The following STRN3 variants were observed in gnomAD, a reference collection of about 807,000 sequenced individuals.
The protein encoded by STRN3 is striatin-3.
A neutral mutation model predicts 95.6 loss-of-function variants in STRN3; 29 were observed. The ratio of observed to expected loss-of-function variants is 0.30; its 90% CI spans 0.23 to 0.41. The LOEUF (loss-of-function observed/expected upper bound fraction) is 0.41, where lower values mean the gene tolerates loss of function less well. Among genes scored for constraint, STRN3 ranks in the 10% least tolerant of loss-of-function variants. The pLI is 1.00. For missense variants in STRN3, 890 were observed against 972.1 expected (o/e 0.92, Z 1.12); for synonymous variants, 331 against 357.6 (o/e 0.93, Z 0.84).
At chr14:31,013,863 T>TA (rs1883090079) in intron 1 of STRN3, among the ~76,000 whole-genome samples, 1 of 81,044 alleles carries the variant, frequency 1.2e-5, no homozygotes. Flanking sequence ...TCAAAGCAAT[T>TA]TTATTATTAT....
intron 1 of STRN3, among the ~76,000 whole-genome samples, chr14:30,959,411 G>A (rs562361544): frequency 6.6e-6 from 1 of 152,202 alleles, no homozygotes; most frequent in South Asian, 2.1e-4. Context: ...GTAAATGAGA[G>A]AGAAGTCATA....
chr14:31,001,828 C>G (rs950199314), intron 1 of STRN3, among the ~76,000 whole-genome samples: 1 of 151,790 alleles, frequency 6.6e-6, no homozygotes, highest in Non-Finnish European at 1.5e-5. Context: ...GAGTTCCAGA[C>G]CAGCCTGGCC....
intron 1 of STRN3, among the ~76,000 whole-genome samples, chr14:30,994,636 A>C (rs1379772903): frequency 6.6e-6 from 1 of 152,216 alleles, no homozygotes; most frequent in Non-Finnish European, 1.5e-5. Context: ...TTCCAAACAA[A>C]TTTAAATTTA....
intron 5 of STRN3, among the ~76,000 whole-genome samples, chr14:30,942,249 T>G (rs1259399882): frequency 6.6e-6 from 1 of 152,170 alleles, no homozygotes; most frequent in Non-Finnish European, 1.5e-5. Flanking sequence ...TAATGCATCT[T>G]AAGCCCTTCA....
chr14:31,001,591 C>T (rs879101250), intron 1 of STRN3, among the ~76,000 whole-genome samples: 1 of 151,460 alleles, frequency 6.6e-6, no homozygotes, highest in Admixed American at 6.6e-5. Context: ...AAAAGCACCA[C>T]ATCAGATAGA....
At chr14:31,008,739 C>G (rs1205533652) in intron 1 of STRN3, among the ~76,000 whole-genome samples, 1 of 151,928 alleles carries the variant, frequency 6.6e-6, no homozygotes, top group East Asian at 1.9e-4. Context: ...CATATTCTTT[C>G]AGCAGAATTT....
chr14:30,935,117 T>G (rs1195549241), intron 7 of STRN3, 46 bp downstream of exon 7: 1 of 1,602,710 alleles, frequency 6.2e-7, no homozygotes, highest in East Asian at 2.2e-5. Context: ...TAACCCATCA[T>G]TAAGGGCTAG....
At chr14:31,017,149 G>A (rs1296341480) in intron 1 of STRN3, among the ~76,000 whole-genome samples, 2 of 151,930 alleles carry the variant, frequency 1.3e-5, no homozygotes, top group Non-Finnish European at 2.9e-5. Context: ...CTGAGACCCT[G>A]TCTCAAATAA....
At chr14:30,927,811 T>C (rs923487475) in intron 8 of STRN3, among the ~76,000 whole-genome samples, 1 of 150,866 alleles carries the variant, frequency 6.6e-6, no homozygotes, top group African/African-American at 2.4e-5. Flanking sequence ...GCCTATACTA[T>C]AGTCCCAGCT....
chr14:30,963,186 A>G (rs1348199204), intron 1 of STRN3, among the ~76,000 whole-genome samples: 8 of 152,236 alleles, frequency 5.3e-5, no homozygotes, highest in Non-Finnish European at 8.8e-5. Flanking sequence ...CAGAACGGAG[A>G]ACAGACAACA....
chr14:30,973,117 G>C (rs1880915120), intron 1 of STRN3, among the ~76,000 whole-genome samples: 1 of 152,142 alleles, frequency 6.6e-6, no homozygotes, highest in South Asian at 2.1e-4. Flanking sequence ...GGTGAGGCAG[G>C]AGAATCACTT....
chr14:31,016,618 A>C (rs1241840018), intron 1 of STRN3, among the ~76,000 whole-genome samples: 1 of 151,984 alleles, frequency 6.6e-6, no homozygotes, highest in Admixed American at 6.6e-5. Context: ...ATCTCGACTC[A>C]CTACAACCTC....
intron 1 of STRN3, among the ~76,000 whole-genome samples, chr14:31,021,055 C>T (rs1042896165): frequency 5.3e-5 from 8 of 152,154 alleles, no homozygotes; most frequent in South Asian, 2.1e-4. Context: ...ACAGGCCATA[C>T]GCAGGGGGAA....
intron 1 of STRN3, among the ~76,000 whole-genome samples, chr14:31,020,073 G>A (rs1427460851): frequency 1.3e-5 from 2 of 152,008 alleles, no homozygotes; most frequent in Non-Finnish European, 2.9e-5. Context: ...TCTGCTAAAT[G>A]CTGTAGCTTC....
intron 1 of STRN3, among the ~76,000 whole-genome samples, chr14:30,994,517 T>C (rs1021292824): frequency 4.6e-5 from 7 of 152,168 alleles, no homozygotes; most frequent in African/African-American, 1.7e-4. Context: ...AGGGATCTTA[T>C]ATAAACACAA....
chr14:30,897,494 A>T (rs1426003807), intron 16 of STRN3, among the ~76,000 whole-genome samples: 4 of 152,162 alleles, frequency 2.6e-5, no homozygotes, highest in Admixed American at 6.5e-5. Context: ...CTGAGACAGG[A>T]GAATCGCTTG....
At chr14:30,965,207 AATTG>A (rs1880424481) in intron 1 of STRN3, among the ~76,000 whole-genome samples, 1 of 152,192 alleles carries the variant, frequency 6.6e-6, no homozygotes, top group Non-Finnish European at 1.5e-5. Flanking sequence ...CACCTAATAC[AATTG>A]ACTATGTAAA....
At chr14:30,993,254 C>A (rs1196246684) in intron 1 of STRN3, among the ~76,000 whole-genome samples, 525 of 129,270 alleles carry the variant, frequency 4.1e-3, no homozygotes, top group Non-Finnish European at 4.2e-3. Flanking sequence ...GACACTGTCT[C>A]AAAAAAAAAA....
At chr14:30,907,321 T>C (rs1452463934) in intron 13 of STRN3, among the ~76,000 whole-genome samples, 2 of 151,850 alleles carry the variant, frequency 1.3e-5, no homozygotes, top group African/African-American at 4.8e-5. Context: ...GATACAGATA[T>C]AATTTACATA....
Sources: gnomAD v4.1 joint callset for allele counts (sites outside exome capture counted in the v4.1 genomes callset) on GRCh38, gnomAD v4.1.1 for gene constraint, MANE v1.5 for transcripts, NCBI Gene and HGNC (gene_info 2026-07-23, HGNC 2026-07-21) for gene names.